Variants in LAMA4 observed in about 807,000 individuals in gnomAD.
The protein encoded by LAMA4 is laminin subunit alpha-4.
Under a neutral mutation model 207.1 loss-of-function variants are expected in LAMA4, and 127 were observed. The observed-to-expected ratio is 0.61, with a 90% CI of 0.53 to 0.71. The LOEUF (loss-of-function observed/expected upper bound fraction) is 0.71, where lower values mean the gene tolerates loss of function less well. LAMA4 is among the 30% of genes least tolerant of loss of function. The probability of loss-of-function intolerance (pLI) is 0.00; values close to 1 mark genes in which losing one functional copy is unlikely to be tolerated. For missense variants in LAMA4, 2,093 were observed against 2,246.5 expected (o/e 0.93, Z 1.38); for synonymous variants, 761 against 816.0 (o/e 0.93, Z 1.15).
At chr6:112,180,069 G>T in intron 9 of LAMA4, 1 of 368,658 alleles carries the variant, frequency 2.7e-6, no homozygotes, top group South Asian at 2.3e-5. Flanking sequence ...TAAAATTTTA[G>T]AATTTTTAAT....
rs10452634 is a variant in LAMA4, at chr6:112,121,584, G to A, written c.4475+430C>T. On this transcript the variant is annotated intron_variant, in intron 32 of 38. Coordinates refer to ENST00000230538, the MANE Select transcript of LAMA4 (RefSeq NM_001105206.3). ...AGAGGCGATGGGGTTGGAGATAGCT[G>A]GAGGGTCATAGACATACAAGCATAT... 5.3e-3 allele frequency among the ~76,000 whole-genome samples: 800 copies of A among 152,302 alleles called. 9 individuals are homozygous for A. Among genetic ancestry groups the A allele is most frequent in the African/African-American group, 0.019 (773 of 41,558 alleles).
chr6:112,167,545 A>G (rs1449411136), intron 12 of LAMA4, among the ~76,000 whole-genome samples: 3 of 152,242 alleles, frequency 2.0e-5, no homozygotes, highest in African/African-American at 7.2e-5. Flanking sequence ...GAAGGAATTA[A>G]AATTTCATGA....
rs545036600 is a variant in LAMA4, at chr6:112,144,916, C to T, written c.2371G>A (p.Val791Ile). The change falls in exon 19 of 39, where the codon GTT (valine) becomes ATT (isoleucine). Residue 791 changes from valine (V) to isoleucine (I), a missense_variant. Transcript: ENST00000230538. ...ARDAVRNLTE[V>I]VPQLLDQLRT... is the part of the protein sequence containing the mutation. ...AGCTGATCCAGGAGCTGAGGGACAA[C>T]CTCGGTCAGATTTCTTACTGCAGTT... 10 of 1,613,870 alleles carry T rather than the reference C, an allele frequency of 6.2e-6. No homozygotes were observed. Among genetic ancestry groups the T allele is most frequent in the East Asian group, 2.2e-5 (1 of 44,864 alleles).
chr6:112,158,368 GATTT>G (rs1366958602), intron 14 of LAMA4: 6 of 284,798 alleles, frequency 2.1e-5, no homozygotes, highest in Non-Finnish European at 4.0e-5. Context: ...AAAGGGATCT[GATTT>G]ATTTGACAAT....
intron 16 of LAMA4, among the ~76,000 whole-genome samples, chr6:112,153,396 G>T (rs182417496): frequency 3.1e-4 from 47 of 152,182 alleles, no homozygotes; most frequent in African/African-American, 1.0e-3. Flanking sequence ...TACAGAAAGG[G>T]ATTTGGCCAA....
At chr6:112,205,946 G>T (rs567935644) in intron 4 of LAMA4, among the ~76,000 whole-genome samples, 1 of 152,190 alleles carries the variant, frequency 6.6e-6, no homozygotes, top group Non-Finnish European at 1.5e-5. Context: ...TTGGTGACAC[G>T]TGGAGGTGCT....
At chr6:112,205,698 G>A (rs1554353956) in intron 4 of LAMA4, among the ~76,000 whole-genome samples, 1 of 149,962 alleles carries the variant, frequency 6.7e-6, no homozygotes, top group Admixed American at 6.6e-5. Context: ...TGCTAATGAA[G>A]TGACTCACAG....
intron 2 of LAMA4, among the ~76,000 whole-genome samples, chr6:112,221,560 G>C (rs1226057311): frequency 6.6e-6 from 1 of 152,142 alleles, no homozygotes; most frequent in Non-Finnish European, 1.5e-5. Flanking sequence ...TTTCTGCTTA[G>C]GTTTTTGTAT....
chr6:112,125,126 A>T (rs2114615295), intron 31 of LAMA4, among the ~76,000 whole-genome samples: 1 of 152,366 alleles, frequency 6.6e-6, no homozygotes, highest in Non-Finnish European at 1.5e-5. Flanking sequence ...GAAAGCTAGA[A>T]GGAATCAAGG....
intron 6 of LAMA4, among the ~76,000 whole-genome samples, chr6:112,190,944 T>C (rs143811115): frequency 0.042 from 1,700 of 40,216 alleles, 26 homozygotes; most frequent in African/African-American, 0.066. Flanking sequence ...TCTTTCTTTC[T>C]TTCCTTTCTT....
intron 6 of LAMA4, 122 bp from the exon 7 acceptor site, chr6:112,189,327 C>T (rs970951457): frequency 1.7e-5 from 12 of 722,194 alleles, no homozygotes; most frequent in African/African-American, 1.6e-4. Flanking sequence ...GAATTAATTA[C>T]ATTCTTCCTT....
intron 32 of LAMA4, 143 bp downstream of exon 32, chr6:112,121,871 T>C (rs911721377): frequency 2.8e-6 from 2 of 721,698 alleles, no homozygotes; most frequent in Admixed American, 2.1e-5. Context: ...AATCATGTAC[T>C]ATTTAGTGTT....
chr6:112,249,024 A>G (rs1245174553), intron 2 of LAMA4, among the ~76,000 whole-genome samples: 1 of 152,240 alleles, frequency 6.6e-6, no homozygotes, highest in Non-Finnish European at 1.5e-5. Flanking sequence ...TTACGTGAGT[A>G]GTTTTAAAAA....
chr6:112,175,269 A>G (rs2114880082), intron 11 of LAMA4, 44 bp downstream of exon 11: 1 of 1,599,322 alleles, frequency 6.3e-7, no homozygotes, highest in East Asian at 2.2e-5. Context: ...ACCCACAAAG[A>G]GGGCAAACAT....
Position 112,134,511 on chromosome 6 carries a change from T to C in LAMA4, c.3513A>G (p.Thr1171=). The stretch of plus-strand genomic sequence containing the variant: ...GAGGAGCTCCTCCAATGTATATATC[T>C]GTAAAAGGTATTTTCATCTTTTCAT... ...MDNEKMKIPF[T]DIYIGGAPPE... is the part of the protein sequence containing the mutation. Residue 1171 remains threonine (T), a synonymous_variant, in exon 26 of 39, where the codon ACA becomes ACG. Coordinates refer to ENST00000230538, the MANE Select transcript of LAMA4 (RefSeq NM_001105206.3). The C allele has an allele frequency of 1.2e-6, 2 of 1,613,290 alleles. No homozygotes were observed. The highest frequency in any genetic ancestry group is 1.7e-5 in the Admixed American group (1 of 59,992).
At chr6:112,187,742 C>T in intron 7 of LAMA4, 141 bp from the exon 8 acceptor site, 1 of 891,326 alleles carries the variant, frequency 1.1e-6, no homozygotes, top group Non-Finnish European at 1.8e-6. Flanking sequence ...CTATTCTTGT[C>T]AGGCTTTAGT....
At chr6:112,140,527 A>C (rs1779629056) in intron 22 of LAMA4, among the ~76,000 whole-genome samples, 1 of 152,210 alleles carries the variant, frequency 6.6e-6, no homozygotes, top group African/African-American at 2.4e-5. Context: ...AGAATGAATG[A>C]ACTGATCTTC....
intron 2 of LAMA4, among the ~76,000 whole-genome samples, chr6:112,235,209 G>A (rs1554365661): frequency 6.6e-6 from 1 of 152,180 alleles, no homozygotes; most frequent in Non-Finnish European, 1.5e-5. Context: ...CCTCTATTAG[G>A]TTCAGGGCAT....
chr6:112,194,848 T>A (rs1365584587), intron 5 of LAMA4, among the ~76,000 whole-genome samples: 1 of 152,180 alleles, frequency 6.6e-6, no homozygotes, highest in East Asian at 1.9e-4. Context: ...TCCTATTTTT[T>A]CTTCCGTAAT....
Sources: allele counts gnomAD v4.1 joint callset (sites outside exome capture counted in the v4.1 genomes callset), GRCh38; gene constraint gnomAD v4.1.1; transcripts MANE v1.5; gene names NCBI Gene and HGNC (gene_info 2026-07-23, HGNC 2026-07-21).